The following PLCE1 variants were observed in gnomAD, a reference collection of about 807,000 sequenced individuals.
PLCE1 encodes the protein phospholipase C epsilon 1.
In PLCE1, 119 loss-of-function variants were observed where a neutral mutation model predicts 242.8. The observed-to-expected ratio is 0.49, with a 90% CI of 0.42 to 0.57. The LOEUF is 0.57. Among genes scored for constraint, PLCE1 ranks in the 20% least tolerant of loss-of-function variants. The pLI, the probability that PLCE1 is intolerant of heterozygous loss-of-function variation, is 0.00. For missense variants in PLCE1, 2,441 were observed against 2,788.8 expected (o/e 0.88, Z 2.81); for synonymous variants, 945 against 1,017.4 (o/e 0.93, Z 1.35).
intron 2 of PLCE1, among the ~76,000 whole-genome samples, chr10:94,124,169 C>T (rs1489925236): frequency 6.6e-6 from 1 of 151,954 alleles, no homozygotes; most frequent in South Asian, 2.1e-4. Flanking sequence ...TGCTTGAGCT[C>T]AGGAGTTTGA....
At chr10:94,062,582 G>GTTTTTTTTTTTTTTTTTTT (rs5787099) in intron 2 of PLCE1, among the ~76,000 whole-genome samples, 3 of 142,350 alleles carry the variant, frequency 2.1e-5, no homozygotes, top group Non-Finnish European at 3.0e-5. Context: ...TCTTGGTTTT[G>GTTTTTTTTTTTTTTTTTTT]TTTTTTTTTT....
rs1351179783 is a variant in PLCE1 at position 94,124,237 on chromosome 10, A to G, written c.1207-7937A>G. The stretch of plus-strand genomic sequence containing the variant: ...TCTACAAATAATATAAAATTAGCCC[A>G]GCATAGTGGTGGTGCCTGTAGTCCC... On this transcript the variant is annotated intron_variant, in intron 2 of 32. Coordinates refer to ENST00000371380, the MANE Select transcript of PLCE1 (RefSeq NM_016341.4). 2.0e-5 allele frequency among the ~76,000 whole-genome samples: 3 copies of G among 151,946 alleles called. No homozygotes were observed. The East Asian group carries it at 5.8e-4, about 29-fold the overall frequency.
chr10:94,003,750 G>A (rs1200150507), intron 1 of PLCE1, among the ~76,000 whole-genome samples: 1 of 152,154 alleles, frequency 6.6e-6, no homozygotes, highest in Non-Finnish European at 1.5e-5. Context: ...TGCACACCAT[G>A]GATTGGGTAA....
intron 18 of PLCE1, among the ~76,000 whole-genome samples, chr10:94,272,489 C>T (rs2051783149): frequency 6.6e-6 from 1 of 152,130 alleles, no homozygotes; most frequent in South Asian, 2.1e-4. Context: ...ATTGTCCAAA[C>T]ACACATGTTT....
chr10:94,039,306 G>T (rs911117538), intron 2 of PLCE1, among the ~76,000 whole-genome samples: 4 of 152,038 alleles, frequency 2.6e-5, no homozygotes, highest in Non-Finnish European at 5.9e-5. Context: ...TTCAGGAATG[G>T]CCAGACTGTT....
intron 3 of PLCE1, among the ~76,000 whole-genome samples, chr10:94,166,647 A>G (rs1157601655): frequency 6.6e-6 from 1 of 151,464 alleles, no homozygotes; most frequent in African/African-American, 2.4e-5. Flanking sequence ...GATCCCTCAA[A>G]ATGCTGAGTG....
intron 2 of PLCE1, chr10:94,089,201 G>T: frequency 6.2e-7 from 1 of 1,614,022 alleles, no homozygotes; most frequent in Non-Finnish European, 8.5e-7. Context: ...CACCAGGCTT[G>T]GTTTCTGTGC....
At chr10:94,106,817 C>G (rs1231406927) in intron 2 of PLCE1, among the ~76,000 whole-genome samples, 2 of 151,434 alleles carry the variant, frequency 1.3e-5, no homozygotes, top group Non-Finnish European at 2.9e-5. Flanking sequence ...CTCTATGCCT[C>G]TCTTTTTGCA....
At chr10:94,077,396 T>A (rs981954587) in intron 2 of PLCE1, among the ~76,000 whole-genome samples, 1 of 152,232 alleles carries the variant, frequency 6.6e-6, no homozygotes, top group East Asian at 1.9e-4. Context: ...CTAGGTAACC[T>A]CATTCTTTGC....
intron 3 of PLCE1, among the ~76,000 whole-genome samples, chr10:94,153,325 G>A (rs192843478): frequency 4.9e-4 from 74 of 151,886 alleles, no homozygotes; most frequent in African/African-American, 1.8e-3. Flanking sequence ...AAACCACATG[G>A]GCATCTCAAC....
rs112699812 is a variant in PLCE1 at position 94,307,778 on chromosome 10, T to A, written c.5885-803T>A. 8.0e-4 allele frequency among the ~76,000 whole-genome samples: 122 copies of A among 152,240 alleles called. 1 individual carries two copies. Among genetic ancestry groups the A allele is most frequent in the African/African-American group, 2.7e-3 (114 of 41,530 alleles). The stretch of plus-strand genomic sequence containing the variant: ...AACTTAGTTACCTCTTTAAAGACCC[T>A]CTCTTCAAATATAGTCACATTCTGA... On this transcript the variant is annotated intron_variant, in intron 26 of 32. Coordinates refer to ENST00000371380, the MANE Select transcript of PLCE1 (RefSeq NM_016341.4).
At chr10:94,148,411 T>C (rs2047179513) in intron 3 of PLCE1, among the ~76,000 whole-genome samples, 1 of 152,104 alleles carries the variant, frequency 6.6e-6, no homozygotes, top group South Asian at 2.1e-4. Context: ...CTTGGGAAGA[T>C]AGGCATCCAG....
intron 22 of PLCE1, among the ~76,000 whole-genome samples, chr10:94,291,373 A>G (rs1465401523): frequency 6.6e-6 from 1 of 152,300 alleles, no homozygotes; most frequent in East Asian, 1.9e-4. Flanking sequence ...ATGTTCCAAC[A>G]TCTATATCTA....
chr10:94,115,756 C>T (rs749468430), intron 2 of PLCE1, among the ~76,000 whole-genome samples: 1 of 152,130 alleles, frequency 6.6e-6, no homozygotes, highest in Admixed American at 6.6e-5. Context: ...GGTTCTTGCA[C>T]AATTCTAGGC....
rs1225140854 is a variant in PLCE1, at chr10:94,318,947, C to T, written c.6342+2191C>T. On this transcript the variant is annotated intron_variant, in intron 29 of 32. Transcript: ENST00000371380. ...CCTGTAGTCCCAGCTACTCAGGAAG[C>T]TGAGGCAGGAGAATCACTTGAACCC... 2.6e-5 allele frequency among the ~76,000 whole-genome samples: 4 copies of T among 152,174 alleles called. No individual in the cohort carries two copies. In the East Asian group the frequency reaches 7.7e-4, roughly 29 times the overall value.
intron 1 of PLCE1, among the ~76,000 whole-genome samples, chr10:94,011,383 T>C (rs1470360529): frequency 6.6e-6 from 1 of 152,096 alleles, no homozygotes; most frequent in Non-Finnish European, 1.5e-5. Flanking sequence ...ATACAGTATC[T>C]CCCACTAGGC....
chr10:94,230,380 A>G (rs2050102483), intron 5 of PLCE1, among the ~76,000 whole-genome samples: 1 of 152,134 alleles, frequency 6.6e-6, no homozygotes. Context: ...GCTGGAGTGC[A>G]GTGGTGCAAT....
chr10:94,021,193 T>C (rs2061370813), intron 1 of PLCE1, among the ~76,000 whole-genome samples: 1 of 151,994 alleles, frequency 6.6e-6, no homozygotes. Context: ...TGTGAATATT[T>C]TCTCCCGGTC....
chr10:94,239,743 T>C (rs950557682), intron 7 of PLCE1, among the ~76,000 whole-genome samples: 1 of 151,912 alleles, frequency 6.6e-6, no homozygotes, highest in Non-Finnish European at 1.5e-5. Flanking sequence ...CCCATAGGGA[T>C]AGGAAAAAAA....
Sources: gnomAD v4.1 joint callset for allele counts (sites outside exome capture counted in the v4.1 genomes callset) on GRCh38, gnomAD v4.1.1 for gene constraint, MANE v1.5 for transcripts, NCBI Gene and HGNC (gene_info 2026-07-23, HGNC 2026-07-21) for gene names.